The following TECTB variants were observed in gnomAD, a reference collection of about 807,000 sequenced individuals.
TECTB encodes beta-tectorin.
Under a neutral mutation model 43.3 loss-of-function variants are expected in TECTB, and 45 were observed. The ratio of observed to expected loss-of-function variants is 1.04; its 90% CI spans 0.82 to 1.33. TECTB has a LOEUF of 1.33. Ranked by LOEUF, TECTB falls within the 40% of genes most tolerant of loss-of-function variation. The pLI is 0.00. For missense variants in TECTB, 399 were observed against 404.7 expected (o/e 0.99, Z 0.12); for synonymous variants, 169 against 156.7 (o/e 1.08, Z -0.59).
intron 5 of TECTB, among the ~76,000 whole-genome samples, chr10:112,292,808 C>T (rs1848510264): frequency 6.6e-6 from 1 of 152,132 alleles, no homozygotes; most frequent in Non-Finnish European, 1.5e-5. Context: ...GCTCCCCACT[C>T]TCCACCCTCC....
rs751928438 is a variant in TECTB, at chr10:112,303,295, A to T, written c.973A>T (p.Ile325Phe). ...VLHHLIMMLG[I>F]CAVL ...CCACCACCTCATCATGATGTTGGGG[A>T]TTTGTGCCGTGTTATAGGAGTTAGC... The change falls in exon 11 of 11, where the codon ATT (isoleucine) becomes TTT (phenylalanine). Residue 325 changes from isoleucine to phenylalanine, a missense_variant. By Grantham distance (21) the Ile-to-Phe change is conservative. Transcript: ENST00000646139. The T allele has an allele frequency of 6.2e-7, 1 of 1,613,904 alleles. No individual in the cohort carries two copies. The highest frequency in any genetic ancestry group is 1.3e-5 in the African/African-American group (1 of 74,864).
rs1398517578 is a variant in TECTB at position 112,292,547 on chromosome 10, G to C, written c.484-1191G>C. On this transcript the variant is annotated intron_variant, in intron 5 of 10. Transcript: ENST00000646139. ...CCTCCCAGGTTCAAGAGATCTTCCT[G>C]CCTCAGCCTCCAGAGTAGCTGGGAT... Among the ~76,000 whole-genome samples the C allele has an allele frequency of 2.0e-5, 3 of 152,096 alleles. No homozygotes were observed. The East Asian group carries it at 5.8e-4, about 29-fold the overall frequency.
At chr10:112,291,219 G>A (rs993275330) in intron 5 of TECTB, among the ~76,000 whole-genome samples, 4 of 143,848 alleles carry the variant, frequency 2.8e-5, no homozygotes, top group African/African-American at 7.7e-5. Context: ...TGTTCTCATT[G>A]TTCAGCTCCC....
At chr10:112,297,188 C>T (rs1055623837) in intron 7 of TECTB, among the ~76,000 whole-genome samples, 19 of 152,112 alleles carry the variant, frequency 1.2e-4, no homozygotes, top group African/African-American at 3.6e-4. Flanking sequence ...CTGTGCTGTG[C>T]ACTGTAGGAC....
chr10:112,299,402 A>T, intron 8 of TECTB, 90 bp from the exon 9 acceptor site: 1 of 1,317,508 alleles, frequency 7.6e-7, no homozygotes, highest in Non-Finnish European at 1.1e-6. Context: ...TGACCTTTTT[A>T]AAATATCTTT....
At chr10:112,293,679 G>C (rs1394961041) in intron 5 of TECTB, 59 bp from the exon 6 acceptor site, 2 of 1,497,332 alleles carry the variant, frequency 1.3e-6, no homozygotes, top group Admixed American at 1.7e-5. Flanking sequence ...TCTGCTCCTG[G>C]TAGACCTAGC....
intron 9 of TECTB, 39 bp downstream of exon 9, chr10:112,299,603 A>G: frequency 6.2e-7 from 1 of 1,606,596 alleles, no homozygotes; most frequent in Non-Finnish European, 8.5e-7. Flanking sequence ...CAAACGGTTG[A>G]GTTCACGCTG....
rs146203817 is a variant in TECTB at position 112,301,485 on chromosome 10, G to A, written c.908-616G>A. On this transcript the variant is annotated intron_variant, in intron 9 of 10. Coordinates refer to ENST00000646139, the MANE Select transcript of TECTB (RefSeq NM_058222.3). Reference sequence around the variant, plus strand: ...GTTTTATTAGAACACAGCAACACTCGTTCATGTAGATATTGTCTACAGCAG... The same window carrying A: ...GTTTTATTAGAACACAGCAACACTCATTCATGTAGATATTGTCTACAGCAG... 8.4e-3 allele frequency among the ~76,000 whole-genome samples: 1,284 copies of A among 152,084 alleles called. 21 individuals carry two copies. The highest frequency in any genetic ancestry group is 0.029 in the African/African-American group (1,203 of 41,502).
Position 112,303,853 on chromosome 10 carries a change from T to C in TECTB, c.*541T>C, listed in dbSNP as rs1848632057. On this transcript the variant is annotated 3_prime_UTR_variant, in exon 11 of 11. Transcript: ENST00000646139. Reference sequence around the variant, plus strand: ...AGATGATGTGGGATTCAGAGTGGAATACAATAGTTTTGCTCAAACCTAATG... The same window carrying C: ...AGATGATGTGGGATTCAGAGTGGAACACAATAGTTTTGCTCAAACCTAATG... 1 of 155,456 alleles carries C rather than the reference T, an allele frequency of 6.4e-6. No individual in the cohort carries two copies. Among genetic ancestry groups the C allele is most frequent in the Admixed American group, 6.2e-5 (1 of 16,106 alleles). 9.6% of individuals were successfully genotyped at this position (155,456 alleles called of 1,614,324 possible). A position where few individuals can be genotyped will look rare whatever the true frequency, so the allele number is the denominator to read the frequency against.
intron 9 of TECTB, among the ~76,000 whole-genome samples, chr10:112,300,230 TAAAG>T (rs1554854200): frequency 0.027 from 1,476 of 54,912 alleles, 42 homozygotes; most frequent in South Asian, 0.053. Context: ...CAGAAAGAAA[TAAAG>T]AAAGAAAGAA....
chr10:112,292,442 G>GT (rs765794419), intron 5 of TECTB, among the ~76,000 whole-genome samples: 2 of 151,890 alleles, frequency 1.3e-5, no homozygotes, highest in Non-Finnish European at 2.9e-5. Context: ...GAGGTTTTTT[G>GT]TTTTTTGTTT....
At chr10:112,285,746 A>G (rs1460766639) in intron 3 of TECTB, among the ~76,000 whole-genome samples, 1 of 152,162 alleles carries the variant, frequency 6.6e-6, no homozygotes, top group Non-Finnish European at 1.5e-5. Flanking sequence ...TGGACAGGAG[A>G]AATGGATGAA....
intron 7 of TECTB, among the ~76,000 whole-genome samples, chr10:112,296,222 A>C (rs913406659): frequency 1.3e-5 from 2 of 152,210 alleles, no homozygotes. Context: ...ATATATCATA[A>C]GGAATTTCCC....
chr10:112,294,981 T>A (rs571507469), intron 7 of TECTB, among the ~76,000 whole-genome samples: 1 of 152,156 alleles, frequency 6.6e-6, no homozygotes, highest in East Asian at 1.9e-4. Flanking sequence ...GGTTTTTGGA[T>A]AAGGAAATAT....
intron 7 of TECTB, 39 bp downstream of exon 7, chr10:112,294,100 C>T (rs1723506786): frequency 1.3e-6 from 2 of 1,582,036 alleles, no homozygotes; most frequent in Non-Finnish European, 1.7e-6. Flanking sequence ...AACAGTGGAA[C>T]CAGGCATTTA....
At position 112,302,114 on chromosome 10, in the gene TECTB, C is replaced by T; in HGVS notation, c.921C>T (p.Ser307=). The T allele has an allele frequency of 6.2e-7, 1 of 1,614,068 alleles. No individual in the cohort carries two copies. Among genetic ancestry groups the T allele is most frequent in the South Asian group, 1.1e-5 (1 of 91,054 alleles). Residue 307 remains serine (S), a synonymous_variant, in exon 10 of 11, where the codon TCC becomes TCT. Coordinates refer to ENST00000646139, the MANE Select transcript of TECTB (RefSeq NM_058222.3). ...VELSLRSRGF[S]SLYSFSDVLH... ...TACTCACTACAGGCAGGGGATTTTC[C>T]AGTCTCTATAGCTTCTCAGGTAAGG...
intron 5 of TECTB, among the ~76,000 whole-genome samples, chr10:112,288,531 C>T (rs1256931758): frequency 1.3e-5 from 2 of 152,216 alleles, no homozygotes; most frequent in East Asian, 1.9e-4. Flanking sequence ...CTGACACTTT[C>T]GTACTGATTA....
chr10:112,295,390 C>T (rs759198559), intron 7 of TECTB, among the ~76,000 whole-genome samples: 3 of 152,164 alleles, frequency 2.0e-5, no homozygotes, highest in Admixed American at 6.5e-5. Flanking sequence ...CTAAAGTAGA[C>T]AGTATAATAA....
intron 9 of TECTB, 198 bp downstream of exon 9, chr10:112,299,762 A>G (rs117348691): frequency 0.016 from 9,016 of 580,518 alleles, 104 homozygotes; most frequent in Non-Finnish European, 0.021. Flanking sequence ...GAGGTTTGTT[A>G]TCTACTCTGA....
Sources: gnomAD v4.1 joint callset for allele counts (sites outside exome capture counted in the v4.1 genomes callset) on GRCh38, gnomAD v4.1.1 for gene constraint, MANE v1.5 for transcripts, NCBI Gene and HGNC (gene_info 2026-07-23, HGNC 2026-07-21) for gene names.